FCHO2: variants seen among roughly 807,000 people sequenced by gnomAD.
FCHO2 encodes the protein FCH and mu domain containing endocytic adaptor 2.
In FCHO2, 43 loss-of-function variants were observed where a neutral mutation model predicts 114.1. That is an observed-to-expected ratio of 0.38 (90% CI 0.30 to 0.49). The LOEUF (loss-of-function observed/expected upper bound fraction) is 0.49, where lower values mean the gene tolerates loss of function less well. Among genes scored for constraint, FCHO2 ranks in the 20% least tolerant of loss-of-function variants. The probability of loss-of-function intolerance (pLI) is 0.97; values close to 1 mark genes in which losing one functional copy is unlikely to be tolerated. For missense variants in FCHO2, 807 were observed against 950.4 expected, an observed-to-expected ratio of 0.85 and a Z score of 1.98; for synonymous variants, 293 against 315.2, an observed-to-expected ratio of 0.93 and a Z score of 0.75.
At chr5:73,011,491 TA>T (rs1305606741) in intron 6 of FCHO2, among the ~76,000 whole-genome samples, 2 of 152,158 alleles carry the variant, frequency 1.3e-5, no homozygotes, top group Non-Finnish European at 2.9e-5. Flanking sequence ...ATCTTTTTCC[TA>T]AAAACTAAGA....
intron 6 of FCHO2, among the ~76,000 whole-genome samples, chr5:73,008,525 G>A (rs1056445980): frequency 6.6e-6 from 1 of 151,992 alleles, no homozygotes; most frequent in Non-Finnish European, 1.5e-5. Flanking sequence ...GGAAGGAAGG[G>A]ATCAATGTTC....
chr5:73,072,459 G>A (rs1280185095), intron 19 of FCHO2, among the ~76,000 whole-genome samples: 1 of 152,044 alleles, frequency 6.6e-6, no homozygotes, highest in Non-Finnish European at 1.5e-5. Flanking sequence ...GTTTACTCCT[G>A]TTCGTAGCAG....
At chr5:72,963,550 A>T (rs1197574911) in intron 1 of FCHO2, among the ~76,000 whole-genome samples, 1 of 147,664 alleles carries the variant, frequency 6.8e-6, no homozygotes, top group Non-Finnish European at 1.5e-5. Context: ...TAGGCTGTAA[A>T]TTTTTTTTTT....
At chr5:73,065,142 C>T (rs2112866365) in intron 18 of FCHO2, among the ~76,000 whole-genome samples, 1 of 152,000 alleles carries the variant, frequency 6.6e-6, no homozygotes, top group South Asian at 2.1e-4. Flanking sequence ...AATGAACAGA[C>T]TTAGTGGAAG....
intron 2 of FCHO2, among the ~76,000 whole-genome samples, chr5:72,982,826 ATTTTT>A (rs36075860): frequency 2.8e-5 from 3 of 108,166 alleles, no homozygotes; most frequent in Non-Finnish European, 2.0e-5. Context: ...GTCTGGATTC[ATTTTT>A]TTTTTTTTTT....
intron 1 of FCHO2, among the ~76,000 whole-genome samples, chr5:72,963,594 G>A (rs932212764): frequency 6.6e-6 from 1 of 151,888 alleles, no homozygotes; most frequent in Non-Finnish European, 1.5e-5. Context: ...CCAGGCTGGA[G>A]TGCAGTGGCC....
At chr5:72,974,598 T>C (rs1390938980) in intron 2 of FCHO2, among the ~76,000 whole-genome samples, 1 of 151,822 alleles carries the variant, frequency 6.6e-6, no homozygotes, top group African/African-American at 2.4e-5. Flanking sequence ...TATGTGTGTC[T>C]CTGCATGTGA....
At chr5:73,015,974 GA>G (rs1179187352) in intron 7 of FCHO2, among the ~76,000 whole-genome samples, 1 of 151,552 alleles carries the variant, frequency 6.6e-6, no homozygotes, top group East Asian at 1.9e-4. Context: ...TCTTTATATT[GA>G]ATTTCTAAAG....
intron 2 of FCHO2, among the ~76,000 whole-genome samples, chr5:72,986,250 T>C (rs369293069): frequency 6.8e-6 from 1 of 146,162 alleles, no homozygotes; most frequent in Non-Finnish European, 1.5e-5. Context: ...ATTTTTTTTT[T>C]CTTTTTTGCA....
At chr5:72,979,394 T>C (rs1465322344) in intron 2 of FCHO2, among the ~76,000 whole-genome samples, 30 of 121,896 alleles carry the variant, frequency 2.5e-4, no homozygotes, top group African/African-American at 9.3e-4. Flanking sequence ...TTTTTTTTTT[T>C]TTTTTTTTTT....
At chr5:73,078,346 A>G in intron 22 of FCHO2, 34 bp downstream of exon 22, 4 of 1,523,126 alleles carry the variant, frequency 2.6e-6, no homozygotes, top group Non-Finnish European at 3.5e-6. Context: ...ATTCTAAATT[A>G]AAATATTAAA....
chr5:73,088,219 A>G lies in FCHO2; in HGVS notation c.*129A>G. 8.2e-7 allele frequency: 1 copy of G among 1,223,326 alleles called. No homozygotes were observed. Among genetic ancestry groups the G allele is most frequent in the Non-Finnish European group, 1.2e-6 (1 of 854,824 alleles). 75.8% of individuals were successfully genotyped at this position (1,223,326 alleles called of 1,614,324 possible). A position where few individuals can be genotyped will look rare whatever the true frequency, so the allele number is the denominator to read the frequency against. ...TAGACATATTTGAGAGCTGACTACAAACATTAAATCGCACTTTTAAAGTGA... is the reference window on the plus strand; with the variant it reads ...TAGACATATTTGAGAGCTGACTACAGACATTAAATCGCACTTTTAAAGTGA... On this transcript the variant is annotated 3_prime_UTR_variant, in exon 26 of 26. Transcript: ENST00000430046.
intron 11 of FCHO2, among the ~76,000 whole-genome samples, chr5:73,048,226 G>T (rs981319983): frequency 3.9e-5 from 6 of 151,948 alleles, no homozygotes; most frequent in Non-Finnish European, 8.8e-5. Flanking sequence ...GAGGTGAGCA[G>T]ATCAACTGAG....
chr5:72,975,106 C>T (rs1561413187), intron 2 of FCHO2, among the ~76,000 whole-genome samples: 1 of 152,068 alleles, frequency 6.6e-6, no homozygotes, highest in Non-Finnish European at 1.5e-5. Flanking sequence ...CTGACTAGGT[C>T]AAAAACACCT....
At chr5:73,008,935 T>G (rs2112721382) in intron 6 of FCHO2, among the ~76,000 whole-genome samples, 1 of 152,324 alleles carries the variant, frequency 6.6e-6, no homozygotes, top group Non-Finnish European at 1.5e-5. Context: ...CCAAAAGTTT[T>G]GAATAAGGAT....
chr5:72,974,516 A>G (rs1024259489), intron 2 of FCHO2, among the ~76,000 whole-genome samples: 9 of 151,124 alleles, frequency 6.0e-5, no homozygotes, highest in African/African-American at 1.7e-4. Flanking sequence ...TCAGAGACTA[A>G]GATTGCAACC....
chr5:73,018,551 A>T (rs191761267), intron 8 of FCHO2, among the ~76,000 whole-genome samples: 1 of 150,738 alleles, frequency 6.6e-6, no homozygotes, highest in South Asian at 2.1e-4. Context: ...TTCAACCACA[A>T]GTGTTTATTG....
chr5:72,965,247 A>G (rs1752135070), intron 1 of FCHO2, among the ~76,000 whole-genome samples: 1 of 152,224 alleles, frequency 6.6e-6, no homozygotes. Flanking sequence ...TTGAATTCAA[A>G]CAACCACAGT....
intron 2 of FCHO2, among the ~76,000 whole-genome samples, chr5:72,974,716 G>A (rs1228958044): frequency 0.012 from 1,838 of 151,990 alleles, 40 homozygotes; most frequent in African/African-American, 0.043. Flanking sequence ...TAAAGTTAAT[G>A]TTGTTATGTG....
Sources: allele counts gnomAD v4.1 joint callset (sites outside exome capture counted in the v4.1 genomes callset), GRCh38; gene constraint gnomAD v4.1.1; transcripts MANE v1.5; gene names NCBI Gene and HGNC (gene_info 2026-07-23, HGNC 2026-07-21).